Variants in EPHA6 observed in about 807,000 individuals in gnomAD.
EPHA6 encodes EPH receptor A6.
A neutral mutation model predicts 112.0 loss-of-function variants in EPHA6; 50 were observed. That is an observed-to-expected ratio of 0.45 (90% confidence interval 0.36 to 0.56). EPHA6 has a LOEUF of 0.56. Among genes scored for constraint, EPHA6 ranks in the 20% least tolerant of loss-of-function variants. The pLI, the probability that EPHA6 is intolerant of heterozygous loss-of-function variation, is 0.00. For missense variants in EPHA6, 1,280 were observed against 1,417.4 expected, an observed-to-expected ratio of 0.90 and a Z score of 1.56; for synonymous variants, 529 against 490.7, an observed-to-expected ratio of 1.08 and a Z score of -1.03.
At chr3:97,119,322 C>T (rs567969768) in intron 3 of EPHA6, among the ~76,000 whole-genome samples, 33 of 152,078 alleles carry the variant, frequency 2.2e-4, no homozygotes, top group South Asian at 4.1e-4. Context: ...TCTCTAGGTG[C>T]GTGTTGCCTA....
intron 5 of EPHA6, among the ~76,000 whole-genome samples, chr3:97,368,940 A>G (rs1048829678): frequency 6.6e-6 from 1 of 152,202 alleles, no homozygotes; most frequent in Non-Finnish European, 1.5e-5. Context: ...GCTATGACAT[A>G]TAGGTTGACC....
At chr3:97,007,273 G>A (rs1250181524) in intron 3 of EPHA6, among the ~76,000 whole-genome samples, 1 of 152,146 alleles carries the variant, frequency 6.6e-6, no homozygotes, top group African/African-American at 2.4e-5. Flanking sequence ...CTTGTCTTAT[G>A]AATCTGTGCC....
At chr3:97,064,104 T>C (rs1001901289) in intron 3 of EPHA6, among the ~76,000 whole-genome samples, 4 of 152,100 alleles carry the variant, frequency 2.6e-5, no homozygotes, top group Non-Finnish European at 4.4e-5. Context: ...AAAATAGATA[T>C]CTACTTGCTA....
At chr3:97,187,089 G>C (rs757103775) in intron 3 of EPHA6, among the ~76,000 whole-genome samples, 1 of 152,194 alleles carries the variant, frequency 6.6e-6, no homozygotes, top group Middle Eastern at 3.4e-3. Flanking sequence ...CGAAATCTCC[G>C]TGGTGGCTTA....
intron 2 of EPHA6, among the ~76,000 whole-genome samples, chr3:96,981,904 C>T (rs964193611): frequency 1.3e-5 from 2 of 152,016 alleles, no homozygotes; most frequent in Admixed American, 6.6e-5. Flanking sequence ...GGTGATATCC[C>T]CTTTATCATT....
rs1245431453 is a variant in EPHA6, at chr3:96,994,728, TATATAG to T, written c.1114+6737_1114+6742del. Among the ~76,000 whole-genome samples, 447 of 78,806 alleles carry T rather than the reference TATATAG, an allele frequency of 5.7e-3. 1 individual carries two copies. Among genetic ancestry groups the T allele is most frequent in the African/African-American group, 0.03 (393 of 13,084 alleles). 51.7% of individuals were successfully genotyped at this position (78,806 alleles called of 152,430 possible). A position where few individuals can be genotyped will look rare whatever the true frequency, so the allele number is the denominator to read the frequency against. ...GTGTGTGTATATATATATATATATA[TATATAG>T]AGAGAGAGAGAGAGAGAGAGAGAGA... is the stretch of plus-strand genomic sequence containing the variant. On this transcript the variant is annotated intron_variant, in intron 3 of 17. Coordinates refer to ENST00000389672, the MANE Select transcript of EPHA6 (RefSeq NM_001080448.3).
intron 2 of EPHA6, among the ~76,000 whole-genome samples, chr3:96,967,593 C>G (rs1260070684): frequency 4.0e-5 from 6 of 151,260 alleles, no homozygotes; most frequent in South Asian, 2.1e-4. Context: ...TATCGTGTAC[C>G]AATATCTTTT....
rs146163832 is a variant in EPHA6 at position 97,610,649 on chromosome 3, A to G, written c.2513-144A>G. 1.1e-3 allele frequency: 782 copies of G among 681,502 alleles called. 15 individuals are homozygous for G. In the East Asian group the frequency reaches 0.021, roughly 18 times the overall value. 42.2% of individuals were successfully genotyped at this position (681,502 alleles called of 1,614,324 possible). A position where few individuals can be genotyped will look rare whatever the true frequency, so the allele number is the denominator to read the frequency against. On this transcript the variant is annotated intron_variant, in intron 12 of 17. Transcript: ENST00000389672. ...ATAGAGGTGCCTATGTATAATATGAATACGTTTATAGAAGCAGGCTGGAAA... is the reference window on the plus strand; with the variant it reads ...ATAGAGGTGCCTATGTATAATATGAGTACGTTTATAGAAGCAGGCTGGAAA...
chr3:96,903,606 A>T (rs938350479), intron 2 of EPHA6, among the ~76,000 whole-genome samples: 1 of 152,144 alleles, frequency 6.6e-6, no homozygotes, highest in Admixed American at 6.6e-5. Context: ...AATTATCATC[A>T]TAACTTCATA....
At chr3:96,925,939 C>T (rs1003298449) in intron 2 of EPHA6, among the ~76,000 whole-genome samples, 5 of 152,058 alleles carry the variant, frequency 3.3e-5, no homozygotes, top group African/African-American at 4.8e-5. Flanking sequence ...TTTTTCACAT[C>T]TCTGTCTCCT....
intron 11 of EPHA6, among the ~76,000 whole-genome samples, chr3:97,535,772 A>G (rs1018353311): frequency 2.0e-5 from 3 of 152,024 alleles, no homozygotes; most frequent in African/African-American, 7.2e-5. Flanking sequence ...AAATTCATAG[A>G]CTCTCAGTTG....
At chr3:97,493,681 G>T (rs999232455) in intron 10 of EPHA6, among the ~76,000 whole-genome samples, 3 of 150,186 alleles carry the variant, frequency 2.0e-5, no homozygotes, top group Middle Eastern at 6.4e-3. Flanking sequence ...CCTGATGAAA[G>T]ATTTACTCAC....
At chr3:97,518,368 C>T (rs1448311651) in intron 10 of EPHA6, among the ~76,000 whole-genome samples, 1 of 151,900 alleles carries the variant, frequency 6.6e-6, no homozygotes, top group South Asian at 2.1e-4. Context: ...ATATCTACTG[C>T]CATTTGTATG....
intron 1 of EPHA6, among the ~76,000 whole-genome samples, chr3:96,848,398 G>A (rs1371628896): frequency 5.9e-5 from 9 of 151,904 alleles, no homozygotes; most frequent in African/African-American, 2.2e-4. Flanking sequence ...AGGCTGAGGC[G>A]GGCGGATCAC....
At chr3:97,067,943 G>A (rs544052581) in intron 3 of EPHA6, among the ~76,000 whole-genome samples, 11 of 151,774 alleles carry the variant, frequency 7.2e-5, no homozygotes, top group Non-Finnish European at 1.3e-4. Flanking sequence ...CCAGGAGTTC[G>A]AGACCAGCCT....
In EPHA6 at chr3:97,596,884, ATATATATATATATATATATATGTATG is replaced by A. The variant is rs11271628; in HGVS notation, c.2512+4155_2512+4180del. The stretch of plus-strand genomic sequence containing the variant: ...CCATATATATCTATGGAATATATAT[ATATATATATATATATATATATGTATG>A]TATATATGCCAGATTGGATTATAGA... On this transcript the variant is annotated intron_variant, in intron 12 of 17. Coordinates refer to ENST00000389672, the MANE Select transcript of EPHA6 (RefSeq NM_001080448.3). Among the ~76,000 whole-genome samples, 1,094 of 135,396 alleles carry A rather than the reference ATATATATATATATATATATATGTATG, an allele frequency of 8.1e-3. 18 individuals carry two copies. The highest frequency in any genetic ancestry group is 0.029 in the African/African-American group (1,034 of 36,058). 88.8% of individuals were successfully genotyped at this position (135,396 alleles called of 152,430 possible). A position where few individuals can be genotyped will look rare whatever the true frequency, so the allele number is the denominator to read the frequency against.
chr3:97,040,645 C>T (rs992803485), intron 3 of EPHA6, among the ~76,000 whole-genome samples: 1 of 151,972 alleles, frequency 6.6e-6, no homozygotes, highest in South Asian at 2.1e-4. Context: ...TATAATGATC[C>T]AAGCATTCAT....
At chr3:97,070,208 A>C (rs909870975) in intron 3 of EPHA6, among the ~76,000 whole-genome samples, 17 of 152,068 alleles carry the variant, frequency 1.1e-4, no homozygotes, top group Admixed American at 1.3e-4. Context: ...TTTGTGTTTT[A>C]TTTGTTAGTT....
intron 14 of EPHA6, among the ~76,000 whole-genome samples, chr3:97,717,513 C>A (rs1198431719): frequency 6.6e-6 from 1 of 152,132 alleles, no homozygotes; most frequent in Non-Finnish European, 1.5e-5. Context: ...CAGATGGCTT[C>A]TTCTTGAGGA....
Sources: allele counts gnomAD v4.1 joint callset (sites outside exome capture counted in the v4.1 genomes callset), GRCh38; gene constraint gnomAD v4.1.1; transcripts MANE v1.5; gene names NCBI Gene and HGNC (gene_info 2026-07-23, HGNC 2026-07-21).